The following FAM83A variants were observed in gnomAD, a reference collection of about 807,000 sequenced individuals.
The protein encoded by FAM83A is scaffolding CK1 anchoring protein A, also known as protein FAM83A.
In FAM83A, 21 loss-of-function variants were observed where a neutral mutation model predicts 24.4. The ratio of observed to expected loss-of-function variants is 0.86; its 90% CI spans 0.61 to 1.24. The LOEUF is 1.24. Ranked by LOEUF, FAM83A falls within the 50% of genes most tolerant of loss-of-function variation. FAM83A has a pLI of 0.00. For synonymous variants in FAM83A, 270 were observed against 252.4 expected (o/e 1.07, Z -0.66); for missense variants, 617 against 579.8 (o/e 1.06, Z -0.66).
upstream of FAM83A, chr8:123,182,444 G>A: frequency 5.0e-6 from 2 of 399,174 alleles, no homozygotes; most frequent in South Asian, 1.9e-5. Flanking sequence ...CCTCCAGCTG[G>A]GCTGGTGGTG....
chr8:123,203,142 A>G (rs1240578400), intron 3 of FAM83A, among the ~76,000 whole-genome samples: 3 of 152,182 alleles, frequency 2.0e-5, no homozygotes, highest in African/African-American at 4.8e-5. Flanking sequence ...ATCGACTTGC[A>G]ATAGTTGAAA....
intron 1 of FAM83A, among the ~76,000 whole-genome samples, chr8:123,187,570 A>C (rs182861111): frequency 6.6e-6 from 1 of 152,356 alleles, no homozygotes; most frequent in East Asian, 1.9e-4. Flanking sequence ...CGATGGGCTT[A>C]TTACTGATAT....
chr8:123,179,955 G>A (rs1823556008), upstream of FAM83A: 1 of 152,194 alleles, frequency 6.6e-6, no homozygotes, highest in Non-Finnish European at 1.5e-5. Context: ...GATCTGTAAT[G>A]CGCTGTGAGT....
chr8:123,191,608 G>A (rs985972110), intron 1 of FAM83A, among the ~76,000 whole-genome samples, 195 bp from the exon 2 acceptor site: 5 of 152,130 alleles, frequency 3.3e-5, no homozygotes, highest in African/African-American at 7.2e-5. Context: ...CAGGACAGGC[G>A]CAGGGGCCTC....
chr8:123,195,669 G>C (rs915306236), intron 3 of FAM83A, among the ~76,000 whole-genome samples: 2 of 152,102 alleles, frequency 1.3e-5, no homozygotes, highest in Non-Finnish European at 2.9e-5. Context: ...TCAGTGCCTG[G>C]GGAAGGCCCA....
chr8:123,184,185 GC>G (rs1823716885), intron 1 of FAM83A, among the ~76,000 whole-genome samples: 1 of 152,024 alleles, frequency 6.6e-6, no homozygotes, highest in South Asian at 2.1e-4. Context: ...GGCCATGCTT[GC>G]CTGCCCTGCT....
At chr8:123,191,402 T>C (rs1029084829) in intron 1 of FAM83A, among the ~76,000 whole-genome samples, 1 of 152,208 alleles carries the variant, frequency 6.6e-6, no homozygotes, top group South Asian at 2.1e-4. Flanking sequence ...GTGGCCATAG[T>C]GTGCCCTCTA....
chr8:123,180,395 A>T (rs146908087), upstream of FAM83A: 1 of 152,784 alleles, frequency 6.5e-6, no homozygotes, highest in African/African-American at 2.4e-5. Flanking sequence ...ATTGCCATGA[A>T]GCAATATCTA....
intron 3 of FAM83A, among the ~76,000 whole-genome samples, chr8:123,198,787 C>A (rs776582899): frequency 6.6e-6 from 1 of 152,062 alleles, no homozygotes; most frequent in Non-Finnish European, 1.5e-5. Flanking sequence ...TTTTGCCTAG[C>A]GTGGTGGTGG....
chr8:123,202,398 A>G (rs1824392232), intron 3 of FAM83A: 1 of 153,206 alleles, frequency 6.5e-6, no homozygotes, highest in Non-Finnish European at 1.5e-5. Flanking sequence ...CAGCTTCCAG[A>G]TCATTGCCTC....
At chr8:123,194,041 T>C in exon 3 of FAM83A, 1 of 1,613,672 alleles carries the variant, frequency 6.2e-7, no homozygotes, top group Non-Finnish European at 8.5e-7. Context: ...CCATCCGGAG[T>C]GTGGAAGGAG....
upstream of FAM83A, chr8:123,182,489 A>T (rs1195138233): frequency 2.2e-6 from 1 of 464,140 alleles, no homozygotes. Context: ...CAAAGGCCTG[A>T]GGGAGAGTTG....
chr8:123,186,035 C>T (rs1823780235), intron 1 of FAM83A, among the ~76,000 whole-genome samples: 2 of 152,186 alleles, frequency 1.3e-5, no homozygotes, highest in South Asian at 4.1e-4. Context: ...ATGATCCACC[C>T]ACCTCGGCCT....
At chr8:123,206,878 C>A (rs1824567666) in intron 3 of FAM83A, among the ~76,000 whole-genome samples, 1 of 152,120 alleles carries the variant, frequency 6.6e-6, no homozygotes, top group African/African-American at 2.4e-5. Context: ...CCAGGAGGAT[C>A]TTGGGGCCTG....
chr8:123,207,399 C>A lies in FAM83A; in HGVS notation c.1016C>A (p.Ser339Ter), dbSNP rs140363798. 7 of 1,610,914 alleles carry A rather than the reference C, an allele frequency of 4.3e-6. No homozygotes were observed. The African/African-American group carries it at 6.7e-5, about 15-fold the overall frequency. ...TCCTCCAACCCCTTCAGCGGCCGCT[C>A]GGCAGGCAGCCACCCCGGTACCCGA... Residue 339 changes from serine to a stop codon, truncating the protein, a stop_gained, in exon 4 of 4, where the codon TCG becomes TAG. Transcript: ENST00000690554. LOFTEE classifies it low-confidence loss of function (END_TRUNC).
intron 3 of FAM83A, chr8:123,201,524 T>C (rs1312176369): frequency 1.3e-5 from 2 of 152,248 alleles, no homozygotes; most frequent in African/African-American, 4.8e-5. Flanking sequence ...TTACTAGCCT[T>C]TCAGGGGATC....
At chr8:123,183,323 C>A in exon 1 of FAM83A, 1 of 1,611,632 alleles carries the variant, frequency 6.2e-7, no homozygotes, top group Non-Finnish European at 8.5e-7. Context: ...CGCTGCATCA[C>A]CCGGACTAGC....
At chr8:123,207,223 G>A (rs761190376) in exon 4 of FAM83A, 3 of 1,612,358 alleles carry the variant, frequency 1.9e-6, no homozygotes, top group East Asian at 2.2e-5. Flanking sequence ...AGGCGGTGGA[G>A]CTGTTTGACG....
intron 2 of FAM83A, among the ~76,000 whole-genome samples, chr8:123,193,610 G>C (rs1824049401): frequency 6.6e-6 from 1 of 152,148 alleles, no homozygotes; most frequent in East Asian, 1.9e-4. Flanking sequence ...AATTGTCTTA[G>C]TCCATCACAG....
Sources: allele counts gnomAD v4.1 joint callset (sites outside exome capture counted in the v4.1 genomes callset), GRCh38; gene constraint gnomAD v4.1.1; transcripts MANE v1.5; gene names NCBI Gene and HGNC (gene_info 2026-07-23, HGNC 2026-07-21).